Variants in ALDH1L2 observed in about 807,000 individuals in gnomAD.
The protein encoded by ALDH1L2 is aldehyde dehydrogenase 1 family member L2, also known as mitochondrial 10-formyltetrahydrofolate dehydrogenase.
In ALDH1L2, 91 loss-of-function variants were observed where a neutral mutation model predicts 111.0. That is an observed-to-expected ratio of 0.82 (90% CI 0.69 to 0.98). The LOEUF is 0.98. ALDH1L2 is among the 50% of genes least tolerant of loss of function. The pLI is 0.00. For synonymous variants in ALDH1L2, 374 were observed against 392.6 expected, an observed-to-expected ratio of 0.95 and a Z score of 0.56; for missense variants, 995 against 1,126.8, an observed-to-expected ratio of 0.88 and a Z score of 1.67.
chr12:105,035,526 C>G (rs1013404615), intron 18 of ALDH1L2, among the ~76,000 whole-genome samples: 16 of 151,932 alleles, frequency 1.1e-4, no homozygotes, highest in Non-Finnish European at 1.2e-4. Context: ...CCATGTTGCC[C>G]AGGCTGGTCA....
At chr12:105,044,936 T>A (rs1020323537) in intron 15 of ALDH1L2, among the ~76,000 whole-genome samples, 3 of 152,152 alleles carry the variant, frequency 2.0e-5, no homozygotes, top group African/African-American at 7.2e-5. Flanking sequence ...TGTGTGTTTT[T>A]AAAAATTTTA....
intron 15 of ALDH1L2, among the ~76,000 whole-genome samples, chr12:105,046,209 ATATATATATATATTTTT>A (rs1592779167): frequency 1.9e-5 from 1 of 52,784 alleles, no homozygotes; most frequent in African/African-American, 9.0e-5. Context: ...ATATATATAT[ATATATATATATATTTTT>A]TTTTTTTTTT....
At chr12:105,043,082 C>T (rs528791405) in intron 15 of ALDH1L2, among the ~76,000 whole-genome samples, 2 of 152,180 alleles carry the variant, frequency 1.3e-5, no homozygotes, top group South Asian at 2.1e-4. Flanking sequence ...GGCTGGATAA[C>T]GCTGCTCTCA....
At chr12:105,068,257 A>G (rs2136101744) in intron 4 of ALDH1L2, among the ~76,000 whole-genome samples, 1 of 152,018 alleles carries the variant, frequency 6.6e-6, no homozygotes, top group East Asian at 1.9e-4. Flanking sequence ...ATTTGATGGT[A>G]TACATGTTTT....
intron 21 of ALDH1L2, chr12:105,030,022 T>C (rs544232486): frequency 2.6e-4 from 49 of 188,698 alleles, no homozygotes; most frequent in Non-Finnish European, 4.4e-4. Context: ...TGAAAACCAG[T>C]TTTGTTATTT....
In ALDH1L2 at chr12:105,043,189, G is replaced by C. The variant is rs556623276; in HGVS notation, c.1864-2495C>G. On this transcript the variant is annotated intron_variant, in intron 15 of 22. Coordinates refer to ENST00000258494, the MANE Select transcript of ALDH1L2 (RefSeq NM_001034173.4). ...CTCACAAGACCAAGAGGGTGGCAGT[G>C]GTTCCTTCCCTTGCTCATTTGCCTT... Among the ~76,000 whole-genome samples, 18 of 152,260 alleles carry C rather than the reference G, an allele frequency of 1.2e-4. No homozygotes were observed. The East Asian group carries it at 3.3e-3, about 28-fold the overall frequency.
At chr12:105,078,908 G>A (rs189754914) in intron 1 of ALDH1L2, among the ~76,000 whole-genome samples, 2 of 152,180 alleles carry the variant, frequency 1.3e-5, no homozygotes, top group Admixed American at 1.3e-4. Flanking sequence ...TGTGCACAGC[G>A]TGTCCAATAC....
intron 3 of ALDH1L2, 30 bp from the exon 4 acceptor site, chr12:105,068,914 G>T (rs1029781621): frequency 1.3e-6 from 2 of 1,496,968 alleles, no homozygotes; most frequent in South Asian, 1.4e-5. Context: ...AATTTAAAAT[G>T]TTGGTTAACT....
Position 105,039,710 on chromosome 12 carries a change from T to C in ALDH1L2, c.2045+3A>G. ...CAGTGAATCAACATTTTAAAACCAA[T>C]ACCTCTTCATGATCTGTTTGCCAAT... On this transcript the variant is annotated splice_donor_region_variant and intron_variant, in intron 17 of 22. Coordinates refer to ENST00000258494, the MANE Select transcript of ALDH1L2 (RefSeq NM_001034173.4). 1 of 1,612,844 alleles carries C rather than the reference T, an allele frequency of 6.2e-7. No individual in the cohort carries two copies. Among genetic ancestry groups the C allele is most frequent in the Non-Finnish European group, 8.5e-7 (1 of 1,178,900 alleles).
intron 11 of ALDH1L2, 132 bp downstream of exon 11, chr12:105,052,680 G>T: frequency 9.2e-7 from 1 of 1,092,106 alleles, no homozygotes; most frequent in Non-Finnish European, 1.3e-6. Flanking sequence ...AAAGCATGAA[G>T]TACATTTGTG....
chr12:105,044,262 A>G (rs1221452372), intron 15 of ALDH1L2, among the ~76,000 whole-genome samples: 1 of 152,142 alleles, frequency 6.6e-6, no homozygotes, highest in African/African-American at 2.4e-5. Context: ...GACATTATAT[A>G]TACTCATTGC....
intron 9 of ALDH1L2, among the ~76,000 whole-genome samples, chr12:105,058,936 C>G (rs1876807496): frequency 1.3e-5 from 2 of 151,902 alleles, no homozygotes. Context: ...ATGAGTAATT[C>G]CTGCAGGAGT....
intron 10 of ALDH1L2, among the ~76,000 whole-genome samples, chr12:105,057,222 C>T (rs1565963112): frequency 6.6e-6 from 1 of 152,090 alleles, no homozygotes; most frequent in African/African-American, 2.4e-5. Context: ...TCCCACTTTA[C>T]ACCCACTAGG....
intron 19 of ALDH1L2, among the ~76,000 whole-genome samples, chr12:105,033,448 C>T (rs1003126468): frequency 6.6e-6 from 1 of 152,176 alleles, no homozygotes; most frequent in Non-Finnish European, 1.5e-5. Flanking sequence ...CACTGCCTAC[C>T]TGACTGCCCT....
intron 10 of ALDH1L2, among the ~76,000 whole-genome samples, chr12:105,054,152 C>T (rs1490112925): frequency 6.6e-6 from 1 of 152,102 alleles, no homozygotes; most frequent in African/African-American, 2.4e-5. Context: ...CGCCCAAGGT[C>T]ACACAGCTAG....
rs1207109718 is a variant in ALDH1L2 at position 105,022,816 on chromosome 12, T to C, written c.*1608A>G. 2 of 152,232 alleles carry C rather than the reference T, an allele frequency of 1.3e-5. No homozygotes were observed. Among genetic ancestry groups the C allele is most frequent in the East Asian group, 1.9e-4 (1 of 5,200 alleles). The allele number at this position is 152,232 out of a possible 1,614,324, so 9.4% of individuals were successfully genotyped here. ...CTCTGATTTTGTTGTTTAGTTTTTA[T>C]TGATTCCCTACAATCCCCTCATGTT... On this transcript the variant is annotated 3_prime_UTR_variant, in exon 23 of 23. Coordinates refer to ENST00000258494, the MANE Select transcript of ALDH1L2 (RefSeq NM_001034173.4).
At chr12:105,082,897 A>G (rs1000358544) in intron 1 of ALDH1L2, among the ~76,000 whole-genome samples, 2 of 150,066 alleles carry the variant, frequency 1.3e-5, no homozygotes, top group Admixed American at 1.3e-4. Flanking sequence ...AACATCCCAC[A>G]TTTTTCATTC....
chr12:105,044,209 A>G (rs1350031839), intron 15 of ALDH1L2, among the ~76,000 whole-genome samples: 1 of 152,156 alleles, frequency 6.6e-6, no homozygotes, highest in African/African-American at 2.4e-5. Context: ...ACTACTACCT[A>G]TCTGGCAACT....
intron 22 of ALDH1L2, among the ~76,000 whole-genome samples, chr12:105,024,739 G>A (rs1383503652): frequency 2.6e-5 from 4 of 152,208 alleles, no homozygotes; most frequent in Non-Finnish European, 4.4e-5. Flanking sequence ...GATGCTAGTG[G>A]TCCATGGACC....
Sources: gnomAD v4.1 joint callset for allele counts (sites outside exome capture counted in the v4.1 genomes callset) on GRCh38, gnomAD v4.1.1 for gene constraint, MANE v1.5 for transcripts, NCBI Gene and HGNC (gene_info 2026-07-23, HGNC 2026-07-21) for gene names.